XPR1: variants seen among roughly 807,000 people sequenced by gnomAD.
XPR1 encodes the protein xenotropic and polytropic retrovirus receptor 1.
Under a neutral mutation model 87.5 loss-of-function variants are expected in XPR1, and 28 were observed. The observed-to-expected ratio is 0.32, with a 90% CI of 0.24 to 0.44. The LOEUF (loss-of-function observed/expected upper bound fraction) is 0.44. Ranked by LOEUF, XPR1 falls within the 20% of genes least tolerant of loss-of-function variation. The pLI, the probability that XPR1 is intolerant of heterozygous loss-of-function variation, is 1.00. For synonymous variants in XPR1, 300 were observed against 306.1 expected, an observed-to-expected ratio of 0.98 and a Z score of 0.21; for missense variants, 559 against 862.3, an observed-to-expected ratio of 0.65 and a Z score of 4.41.
chr1:180,848,786 A>T (rs1189419657), intron 11 of XPR1, among the ~76,000 whole-genome samples: 2 of 152,200 alleles, frequency 1.3e-5, no homozygotes, highest in African/African-American at 4.8e-5. Context: ...TCCCACCAAC[A>T]TTATAAAAAG....
In XPR1 at chr1:180,803,385, T is replaced by C. The variant is rs375483324; in HGVS notation, c.224-3T>C. ...TTTGACAGTTCCGTTCTATTTCTTATAGAGAAGCTCGCAGAGGCTCAGCGC... is the reference window on the plus strand; with the variant it reads ...TTTGACAGTTCCGTTCTATTTCTTACAGAGAAGCTCGCAGAGGCTCAGCGC... On this transcript the variant is annotated splice_region_variant and splice_polypyrimidine_tract_variant and intron_variant, in intron 3 of 14. Transcript: ENST00000367590. The C allele has an allele frequency of 3.1e-5, 50 of 1,613,122 alleles. No individual in the cohort carries two copies. The African/African-American group carries it at 3.9e-4, about 12-fold the overall frequency.
rs758076971 is a variant in XPR1 at position 180,632,228 on chromosome 1, G to A, written c.27G>A (p.Ala9=). 3.1e-6 allele frequency: 5 copies of A among 1,611,584 alleles called. No individual in the cohort carries two copies. The African/African-American group carries it at 5.3e-5, about 17-fold the overall frequency. The change falls in exon 1 of 15, where the codon GCG becomes GCA. Residue 9 remains alanine (A), a synonymous_variant. Coordinates refer to ENST00000367590, the MANE Select transcript of XPR1 (RefSeq NM_004736.4). ...TGAAGTTCGCCGAGCACCTCTCCGC[G>A]CACATCACTCCCGAGTGGAGGAAGC... MKFAEHLS[A]HITPEWRKQY...
chr1:180,840,682 T>G (rs1263784368), intron 11 of XPR1, among the ~76,000 whole-genome samples: 2 of 151,054 alleles, frequency 1.3e-5, no homozygotes, highest in Non-Finnish European at 3.0e-5. Flanking sequence ...TATATCTTAA[T>G]CATATTGCTA....
chr1:180,654,636 A>C (rs1407572209), intron 1 of XPR1, among the ~76,000 whole-genome samples: 3 of 152,144 alleles, frequency 2.0e-5, no homozygotes, highest in Non-Finnish European at 4.4e-5. Context: ...TGACTGCTCT[A>C]AGTACCTCAT....
At chr1:180,789,706 A>C (rs1385792744) in intron 3 of XPR1, among the ~76,000 whole-genome samples, 2 of 152,076 alleles carry the variant, frequency 1.3e-5, no homozygotes, top group South Asian at 4.2e-4. Context: ...AGACATGGCC[A>C]CCACACCCAG....
At chr1:180,796,867 G>A (rs1324747723) in intron 3 of XPR1, among the ~76,000 whole-genome samples, 1 of 152,104 alleles carries the variant, frequency 6.6e-6, no homozygotes, top group Non-Finnish European at 1.5e-5. Flanking sequence ...GATACAAAAT[G>A]GATGAAACTC....
intron 1 of XPR1, among the ~76,000 whole-genome samples, chr1:180,660,625 T>C (rs2101918112): frequency 6.6e-6 from 1 of 152,044 alleles, no homozygotes; most frequent in Non-Finnish European, 1.5e-5. Context: ...CAGGAGCATA[T>C]TGTTTCATTT....
At chr1:180,789,358 G>T (rs543758465) in intron 3 of XPR1, among the ~76,000 whole-genome samples, 1 of 152,086 alleles carries the variant, frequency 6.6e-6, no homozygotes, top group East Asian at 1.9e-4. Context: ...CTGTACTTTA[G>T]CCCCATACAC....
At chr1:180,868,585 G>C (rs2102214073) in intron 12 of XPR1, among the ~76,000 whole-genome samples, 1 of 125,012 alleles carries the variant, frequency 8.0e-6, no homozygotes, top group Non-Finnish European at 1.7e-5. Context: ...AATTGTGAAT[G>C]GGAGTTCACT....
chr1:180,756,003 ATTAAT>A (rs1647723450), intron 2 of XPR1, among the ~76,000 whole-genome samples: 1 of 152,214 alleles, frequency 6.6e-6, no homozygotes, highest in African/African-American at 2.4e-5. Flanking sequence ...AGGAAAACAA[ATTAAT>A]TTATAGTGGA....
At chr1:180,673,589 C>T (rs186990326) in intron 1 of XPR1, among the ~76,000 whole-genome samples, 72 of 152,318 alleles carry the variant, frequency 4.7e-4, no homozygotes, top group African/African-American at 1.5e-3. Context: ...TGTGTATTAC[C>T]GCCTGAGCTC....
intron 3 of XPR1, among the ~76,000 whole-genome samples, chr1:180,791,714 C>T (rs1649398131): frequency 6.6e-6 from 1 of 152,084 alleles, no homozygotes; most frequent in African/African-American, 2.4e-5. Context: ...TTTCATGAAA[C>T]AGTACATCTT....
chr1:180,735,448 GT>G (rs1335047687), intron 2 of XPR1, among the ~76,000 whole-genome samples: 1 of 152,154 alleles, frequency 6.6e-6, no homozygotes, highest in African/African-American at 2.4e-5. Flanking sequence ...TTAATTAAGT[GT>G]TCTTCAGAAT....
intron 7 of XPR1, among the ~76,000 whole-genome samples, chr1:180,812,912 T>A (rs990344386): frequency 1.3e-5 from 2 of 152,098 alleles, no homozygotes; most frequent in Admixed American, 1.3e-4. Context: ...CCTCCCAAAG[T>A]GCTGGGGTTT....
In XPR1 at chr1:180,634,476, A is replaced by G. The variant is rs185954149; in HGVS notation, c.69+2206A>G. On this transcript the variant is annotated intron_variant, in intron 1 of 14. Transcript: ENST00000367590. Reference sequence around the variant, plus strand: ...TAAAAGTAATAGAGAGATGTAAATAAGAGTCTTTAGAGTCCAGGAATTTTA... The same window carrying G: ...TAAAAGTAATAGAGAGATGTAAATAGGAGTCTTTAGAGTCCAGGAATTTTA... Among the ~76,000 whole-genome samples the G allele has an allele frequency of 3.3e-3, 500 of 152,318 alleles. 2 individuals carry two copies. Among genetic ancestry groups the G allele is most frequent in the African/African-American group, 0.01 (436 of 41,574 alleles).
At chr1:180,680,431 T>C (rs1400522305) in intron 1 of XPR1, among the ~76,000 whole-genome samples, 2 of 140,802 alleles carry the variant, frequency 1.4e-5, no homozygotes, top group African/African-American at 2.6e-5. Flanking sequence ...AGTGGTGCGA[T>C]CTTGGGTCAT....
At chr1:180,755,176 T>C (rs1647685549) in intron 2 of XPR1, among the ~76,000 whole-genome samples, 1 of 152,186 alleles carries the variant, frequency 6.6e-6, no homozygotes, top group Non-Finnish European at 1.5e-5. Flanking sequence ...TATACACATA[T>C]GCTTAGCTCT....
intron 2 of XPR1, among the ~76,000 whole-genome samples, chr1:180,713,144 T>C (rs1023890238): frequency 2.6e-5 from 4 of 152,080 alleles, no homozygotes; most frequent in African/African-American, 4.8e-5. Context: ...TATATATTTC[T>C]CTTTGGTCTT....
intron 11 of XPR1, among the ~76,000 whole-genome samples, chr1:180,856,529 C>T (rs1652039673): frequency 6.6e-6 from 1 of 152,150 alleles, no homozygotes; most frequent in African/African-American, 2.4e-5. Context: ...CTCGATGTTT[C>T]GTAAGTACCT....
Sources: gnomAD v4.1 joint callset for allele counts (sites outside exome capture counted in the v4.1 genomes callset) on GRCh38, gnomAD v4.1.1 for gene constraint, MANE v1.5 for transcripts, NCBI Gene and HGNC (gene_info 2026-07-23, HGNC 2026-07-21) for gene names.